Variants in COQ5 observed in about 807,000 individuals in gnomAD.
COQ5 encodes coenzyme Q5, methyltransferase.
COQ5 carries 27 observed loss-of-function variants against 40.5 expected under a neutral mutation model. The ratio of observed to expected loss-of-function variants is 0.67; its 90% CI spans 0.49 to 0.92. The LOEUF (loss-of-function observed/expected upper bound fraction) is 0.92, where lower values mean the gene tolerates loss of function less well. COQ5 is among the 40% of genes least tolerant of loss of function. The pLI, the probability that COQ5 is intolerant of heterozygous loss-of-function variation, is 0.00. For missense variants in COQ5, 409 were observed against 406.4 expected (o/e 1.01, Z -0.06); for synonymous variants, 141 against 150.0 (o/e 0.94, Z 0.44).
intron 5 of COQ5, chr12:120,504,612 G>A (rs919828735): frequency 5.2e-6 from 2 of 387,876 alleles, no homozygotes; most frequent in Admixed American, 3.7e-5. Context: ...GAGTAGCAAC[G>A]TTATTGCCAC....
intron 1 of COQ5, chr12:120,526,623 G>C: frequency 3.3e-6 from 1 of 303,684 alleles, no homozygotes; most frequent in Non-Finnish European, 6.6e-6. Context: ...AAGAAATATG[G>C]CAATTTGCCA....
At chr12:120,527,818 T>TA (rs560893783) in intron 1 of COQ5, among the ~76,000 whole-genome samples, 61 of 145,396 alleles carry the variant, frequency 4.2e-4, no homozygotes, top group East Asian at 3.6e-3. Context: ...CTGTCTGTAC[T>TA]AAAAAAAAAA....
chr12:120,529,121 A>T lies in COQ5; in HGVS notation c.21T>A (p.Cys7Ter). 6.2e-7 allele frequency: 1 copy of T among 1,613,876 alleles called. No individual in the cohort carries two copies. The highest frequency in any genetic ancestry group is 1.1e-5 in the South Asian group (1 of 91,082). The change falls in exon 1 of 7, where the codon TGT becomes TGA. Residue 7 changes from cysteine (C) to a stop codon, truncating the protein, a stop_gained. Coordinates refer to ENST00000288532, the MANE Select transcript of COQ5 (RefSeq NM_032314.4). LOFTEE classifies it high-confidence loss of function. MAAPGS[C>*]ALWSYCGRGW... ...CACGGCCGCAATAGCTCCATAGAGC[A>T]CAGCTCCCGGGGGCCGCCATCTTGG... is the stretch of plus-strand genomic sequence containing the variant.
rs1302791604 is a variant in COQ5, at chr12:120,525,508, CG to C, written c.203-3146del. ...GCACACACCTGGAGTGCCAGCTACT[CG>C]GGGGGCTAATGGGAGAGGACTGCTT... On this transcript the variant is annotated intron_variant, in intron 1 of 6. Transcript: ENST00000288532. 3.3e-5 allele frequency among the ~76,000 whole-genome samples: 5 copies of C among 152,212 alleles called. No homozygotes were observed. In the East Asian group the frequency reaches 9.7e-4, roughly 29 times the overall value.
intron 1 of COQ5, chr12:120,523,009 G>T: frequency 1.8e-6 from 1 of 540,938 alleles, no homozygotes. Flanking sequence ...AGGAACTTGG[G>T]GTCCACTCCC....
intron 1 of COQ5, chr12:120,526,674 A>T: frequency 4.1e-6 from 1 of 246,494 alleles, no homozygotes; most frequent in Non-Finnish European, 8.2e-6. Flanking sequence ...AAGGTGGCAA[A>T]TAGTGCTCAA....
intron 1 of COQ5, among the ~76,000 whole-genome samples, chr12:120,524,603 G>A (rs888092188): frequency 3.9e-5 from 6 of 152,018 alleles, no homozygotes; most frequent in Non-Finnish European, 5.9e-5. Flanking sequence ...TTCTCTGCCC[G>A]TAAGACGGCT....
At chr12:120,517,118 T>TG (rs1869412936) in intron 2 of COQ5, among the ~76,000 whole-genome samples, 1 of 151,974 alleles carries the variant, frequency 6.6e-6, no homozygotes, top group Non-Finnish European at 1.5e-5. Flanking sequence ...AGGCTGAGAC[T>TG]GGGGGATCAC....
chr12:120,514,507 T>C (rs73225218), intron 3 of COQ5, among the ~76,000 whole-genome samples: 6,910 of 151,832 alleles, frequency 0.046, 263 homozygotes, highest in South Asian at 0.1. Flanking sequence ...TTGGGAGGAA[T>C]GGGTGGACAG....
At position 120,528,248 on chromosome 12, in the gene COQ5, A is replaced by G. The variant is rs1593028724; in HGVS notation, c.202+692T>C. On this transcript the variant is annotated intron_variant, in intron 1 of 6. Transcript: ENST00000288532. The stretch of plus-strand genomic sequence containing the variant: ...TAAATAAATAAAAACAACCAAAAAA[A>G]CCCCTATTTTTCTCTAGAGGTAAAG... Among the ~76,000 whole-genome samples the G allele has an allele frequency of 2.0e-5, 3 of 151,470 alleles. No homozygotes were observed. The South Asian group carries it at 6.3e-4, about 32-fold the overall frequency.
At chr12:120,504,647 C>G in intron 5 of COQ5, 1 of 489,252 alleles carries the variant, frequency 2.0e-6, no homozygotes, top group African/African-American at 2.0e-5. Context: ...AACCCACTAC[C>G]ATTGGACCAG....
At chr12:120,525,768 CA>C (rs1273099147) in intron 1 of COQ5, among the ~76,000 whole-genome samples, 3 of 151,660 alleles carry the variant, frequency 2.0e-5, no homozygotes, top group Non-Finnish European at 2.9e-5. Context: ...ACTAAAAATA[CA>C]AAAAAACTAG....
rs141820660 is a variant in COQ5 at position 120,516,200 on chromosome 12, C to T, written c.574+367G>A. ...GAATGGGAATGATACACCGAAGTCA[C>T]CCTGAAGCTGCTGGGAAATGACAGC... On this transcript the variant is annotated intron_variant, in intron 3 of 6. Coordinates refer to ENST00000288532, the MANE Select transcript of COQ5 (RefSeq NM_032314.4). Among the ~76,000 whole-genome samples the T allele has an allele frequency of 1.1e-3, 171 of 152,266 alleles. 3 individuals carry two copies. The highest frequency in any genetic ancestry group is 8.8e-3 in the Admixed American group (135 of 15,282).
At chr12:120,521,873 C>T (rs1283474420) in intron 2 of COQ5, among the ~76,000 whole-genome samples, 7 of 150,262 alleles carry the variant, frequency 4.7e-5, no homozygotes, top group African/African-American at 1.2e-4. Context: ...GGAGTACGCC[C>T]GTAGTCCCAG....
At position 120,522,914 on chromosome 12, in the gene COQ5, A is replaced by T; in HGVS notation, c.203-551T>A. The T allele has an allele frequency of 5.7e-6, 4 of 701,640 alleles. No individual in the cohort carries two copies. In the Admixed American group the frequency reaches 8.2e-5, roughly 14 times the overall value. 43.5% of individuals were successfully genotyped at this position (701,640 alleles called of 1,614,324 possible). On this transcript the variant is annotated intron_variant, in intron 1 of 6. Transcript: ENST00000288532. Reference sequence around the variant, plus strand: ...TTACAAGGGCCTTGATAGCGTCAGCACGTGCACTCGTGGCCCTGGCACTGT... The same window carrying T: ...TTACAAGGGCCTTGATAGCGTCAGCTCGTGCACTCGTGGCCCTGGCACTGT...
intron 4 of COQ5, among the ~76,000 whole-genome samples, chr12:120,505,786 T>C (rs367705647): frequency 5.9e-5 from 9 of 151,968 alleles, no homozygotes; most frequent in African/African-American, 2.2e-4. Flanking sequence ...GAACTCCCAA[T>C]ATCAGGTGGT....
intron 4 of COQ5, 105 bp from the exon 5 acceptor site, chr12:120,505,088 G>C: frequency 2.3e-6 from 2 of 870,032 alleles, no homozygotes; most frequent in Non-Finnish European, 3.8e-6. Context: ...AAGTTATCAT[G>C]GCCCACAAAC....
chr12:120,528,831 C>G, intron 1 of COQ5, 109 bp downstream of exon 1: 1 of 1,048,934 alleles, frequency 9.5e-7, no homozygotes. Flanking sequence ...CATAACTGCA[C>G]AGACAACAAC....
intron 4 of COQ5, chr12:120,509,781 C>T (rs1268870091): frequency 2.0e-6 from 1 of 507,160 alleles, no homozygotes; most frequent in Non-Finnish European, 3.6e-6. Flanking sequence ...CTATCTCTCT[C>T]TCTCTCTCTC....
Sources: allele counts gnomAD v4.1 joint callset (sites outside exome capture counted in the v4.1 genomes callset), GRCh38; gene constraint gnomAD v4.1.1; transcripts MANE v1.5; gene names NCBI Gene and HGNC (gene_info 2026-07-23, HGNC 2026-07-21).